Variants in RMI1 observed in about 807,000 individuals in gnomAD.
The protein encoded by RMI1 is RecQ mediated genome instability 1, also known as recQ-mediated genome instability protein 1.
RMI1 carries 36 observed loss-of-function variants against 46.7 expected under a neutral mutation model. The observed-to-expected ratio is 0.77, with a 90% CI of 0.59 to 1.02. The LOEUF (loss-of-function observed/expected upper bound fraction) is 1.02. Ranked by LOEUF, RMI1 falls within the 50% of genes least tolerant of loss-of-function variation. RMI1 has a pLI of 0.00. For missense variants in RMI1, 676 were observed against 713.7 expected (o/e 0.95, Z 0.60); for synonymous variants, 250 against 252.9 (o/e 0.99, Z 0.11).
At chr9:83,994,928 T>TA (rs1412407669) in intron 1 of RMI1, among the ~76,000 whole-genome samples, 1 of 151,942 alleles carries the variant, frequency 6.6e-6, no homozygotes, top group Non-Finnish European at 1.5e-5. Context: ...AAGTGTAGAT[T>TA]AAAAAAATAC....
rs1369149271 is a variant in RMI1 at position 84,002,586 on chromosome 9, G to T, written c.1600G>T (p.Val534Leu). The change falls in exon 3 of 3, where the codon GTG becomes TTG. Residue 534 changes from valine to leucine, a missense_variant. Physicochemically the swap from Val to Leu is conservative, Grantham distance 32. Transcript: ENST00000445877. The part of the protein sequence containing the change: ...SGGIWSITAK[V>L]SDGTAYLDVD... ...TGGTATTTGGAGTATAACTGCAAAG[G>T]TGTCTGATGGTACTGCATATCTAGA... is the stretch of plus-strand genomic sequence containing the variant. 2.5e-6 allele frequency: 4 copies of T among 1,613,942 alleles called. No homozygotes were observed. Among genetic ancestry groups the T allele is most frequent in the Non-Finnish European group, 3.4e-6 (4 of 1,179,912 alleles).
chr9:83,991,867 C>G (rs1957579918), intron 1 of RMI1, among the ~76,000 whole-genome samples: 2 of 152,176 alleles, frequency 1.3e-5, no homozygotes, highest in Admixed American at 6.5e-5. Context: ...GTCAGCATCT[C>G]ACTGTTGATT....
chr9:83,982,334 T>A (rs556357702), intron 1 of RMI1, among the ~76,000 whole-genome samples: 2 of 152,270 alleles, frequency 1.3e-5, no homozygotes, highest in Admixed American at 1.3e-4. Flanking sequence ...TGATAAGGAA[T>A]GATGAGTGGG....
At chr9:83,997,095 C>T (rs1371964738) in intron 1 of RMI1, among the ~76,000 whole-genome samples, 1 of 131,002 alleles carries the variant, frequency 7.6e-6, no homozygotes. Flanking sequence ...AGAGGTAAGT[C>T]CAACACCCCC....
chr9:84,003,045 T>A lies in RMI1; in HGVS notation c.*181T>A. ...TGTGGAGCTTTTGAAAATAAGTTAA[T>A]CTTTTTTTTTTTTTTTTTAATGTCA... is the stretch of plus-strand genomic sequence containing the variant. On this transcript the variant is annotated 3_prime_UTR_variant, in exon 3 of 3. Coordinates refer to ENST00000445877, the MANE Select transcript of RMI1 (RefSeq NM_001358291.2). 1.1e-5 allele frequency: 4 copies of A among 353,290 alleles called. No homozygotes were observed. Among genetic ancestry groups the A allele is most frequent in the Non-Finnish European group, 1.9e-5 (4 of 206,600 alleles). 21.9% of individuals were successfully genotyped at this position (353,290 alleles called of 1,614,324 possible). A position where few individuals can be genotyped will look rare whatever the true frequency, so the allele number is the denominator to read the frequency against.
At chr9:83,993,946 A>ATTT (rs35033710) in intron 1 of RMI1, among the ~76,000 whole-genome samples, 1 of 127,206 alleles carries the variant, frequency 7.9e-6, no homozygotes, top group African/African-American at 2.9e-5. Context: ...TGCCCGGCTA[A>ATTT]TTTTTTTTTT....
At position 84,002,410 on chromosome 9, in the gene RMI1, A is replaced by G; in HGVS notation, c.1424A>G (p.Glu475Gly). Reference sequence around the variant, plus strand: ...CAGAGTTGTTCTTTAAGATCATCAGAGAATAGCATTAATCTTTCTATTGCC... The same window carrying G: ...CAGAGTTGTTCTTTAAGATCATCAGGGAATAGCATTAATCTTTCTATTGCC... ...NLQSCSLRSS[E>G]NSINLSIAMD... The change falls in exon 3 of 3, where the codon GAG (glutamate) becomes GGG (glycine). Residue 475 changes from glutamate (E) to glycine (G), a missense_variant. Physicochemically the swap from Glu to Gly is moderately conservative, Grantham distance 98 (BLOSUM62 -2). Transcript: ENST00000445877. 1 of 1,613,396 alleles carries G rather than the reference A, an allele frequency of 6.2e-7. No individual in the cohort carries two copies. The highest frequency in any genetic ancestry group is 8.5e-7 in the Non-Finnish European group (1 of 1,179,574).
chr9:84,001,005 G>T lies in RMI1; in HGVS notation c.19G>T (p.Ala7Ser), dbSNP rs773126893. Reference protein sequence around the residue: MNVTSIALRAETWLLAA... With the variant: MNVTSISLRAETWLLAA... ...AAAAGAAATGAATGTGACTAGTATTGCATTAAGAGCTGAAACTTGGCTTTT... is the reference window on the plus strand; with the variant it reads ...AAAAGAAATGAATGTGACTAGTATTTCATTAAGAGCTGAAACTTGGCTTTT... Residue 7 changes from alanine (A) to serine (S), a missense_variant, in exon 3 of 3, where the codon GCA becomes TCA. By Grantham distance (99) the Ala-to-Ser change is moderately conservative. Coordinates refer to ENST00000445877, the MANE Select transcript of RMI1 (RefSeq NM_001358291.2). The T allele has an allele frequency of 3.1e-6, 5 of 1,609,174 alleles. No homozygotes were observed. Among genetic ancestry groups the T allele is most frequent in the Non-Finnish European group, 4.2e-6 (5 of 1,177,846 alleles).
At chr9:83,985,931 C>T (rs1287211127) in intron 1 of RMI1, among the ~76,000 whole-genome samples, 1 of 152,116 alleles carries the variant, frequency 6.6e-6, no homozygotes, top group Admixed American at 6.6e-5. Flanking sequence ...ATGGCAGGAA[C>T]CCGGCAGGCT....
At chr9:83,991,859 C>G (rs2133113602) in intron 1 of RMI1, among the ~76,000 whole-genome samples, 1 of 152,266 alleles carries the variant, frequency 6.6e-6, no homozygotes, top group East Asian at 1.9e-4. Context: ...ATCCTTTTGT[C>G]AGCATCTCAC....
intron 1 of RMI1, among the ~76,000 whole-genome samples, chr9:83,990,016 A>ATT (rs1957545422): frequency 2.0e-5 from 3 of 152,218 alleles, no homozygotes; most frequent in Non-Finnish European, 4.4e-5. Flanking sequence ...AAAAAGAATG[A>ATT]TATCCTGTCA....
intron 1 of RMI1, among the ~76,000 whole-genome samples, chr9:83,991,927 C>CTTTGTTTT (rs1449881745): frequency 6.6e-6 from 1 of 152,090 alleles, no homozygotes; most frequent in Non-Finnish European, 1.5e-5. Context: ...AATCCTCCAA[C>CTTTGTTTT]TTTGTTTTTC....
At chr9:84,000,068 C>G (rs1450196455) in intron 2 of RMI1, among the ~76,000 whole-genome samples, 1 of 152,036 alleles carries the variant, frequency 6.6e-6, no homozygotes, top group Non-Finnish European at 1.5e-5. Flanking sequence ...ATCTTTAGAC[C>G]ACATATTCAA....
intron 1 of RMI1, among the ~76,000 whole-genome samples, chr9:83,999,162 A>G (rs1276343294): frequency 7.1e-6 from 1 of 140,770 alleles, no homozygotes; most frequent in Admixed American, 7.6e-5. Flanking sequence ...ATAAAATAGA[A>G]TAAAATAGAA....
chr9:83,991,603 C>A (rs1196058286), intron 1 of RMI1, among the ~76,000 whole-genome samples: 1 of 152,178 alleles, frequency 6.6e-6, no homozygotes, highest in Non-Finnish European at 1.5e-5. Flanking sequence ...TAGGCATGAG[C>A]CACCACGTCC....
At chr9:83,998,420 C>G (rs888776407) in intron 1 of RMI1, among the ~76,000 whole-genome samples, 11 of 152,180 alleles carry the variant, frequency 7.2e-5, no homozygotes, top group Middle Eastern at 6.8e-3. Flanking sequence ...GCTTCTATGT[C>G]TTCTTTTATG....
At chr9:83,995,579 C>T (rs749565301) in intron 1 of RMI1, among the ~76,000 whole-genome samples, 1 of 152,066 alleles carries the variant, frequency 6.6e-6, no homozygotes, top group Admixed American at 6.5e-5. Context: ...AGGCACATGC[C>T]ACCACGCCCG....
intron 2 of RMI1, 75 bp from the exon 3 acceptor site, chr9:84,000,874 CTG>C (rs1167554840): frequency 1.2e-5 from 9 of 733,222 alleles, no homozygotes; most frequent in African/African-American, 1.1e-4. Flanking sequence ...GTGTGCCTGT[CTG>C]TGCATTGTAG....
intron 2 of RMI1, 143 bp from the exon 3 acceptor site, chr9:84,000,808 T>G: frequency 2.0e-6 from 1 of 510,678 alleles, no homozygotes; most frequent in Non-Finnish European, 3.4e-6. Context: ...CATCTGATTA[T>G]GTGTAGTGTT....
Sources: gnomAD v4.1 joint callset for allele counts (sites outside exome capture counted in the v4.1 genomes callset) on GRCh38, gnomAD v4.1.1 for gene constraint, MANE v1.5 for transcripts, NCBI Gene and HGNC (gene_info 2026-07-23, HGNC 2026-07-21) for gene names.